The following RABGAP1L variants were observed in gnomAD, a reference collection of about 807,000 sequenced individuals.
The protein encoded by RABGAP1L is rab GTPase-activating protein 1-like.
RABGAP1L carries 63 observed loss-of-function variants against 137.7 expected under a neutral mutation model. The ratio of observed to expected loss-of-function variants is 0.46; its 90% confidence interval spans 0.37 to 0.56. RABGAP1L has a LOEUF of 0.56. Among genes scored for constraint, RABGAP1L ranks in the 20% least tolerant of loss-of-function variants. RABGAP1L has a pLI of 0.00. For missense variants in RABGAP1L, 1,095 were observed against 1,244.0 expected (o/e 0.88, Z 1.80); for synonymous variants, 431 against 433.7 (o/e 0.99, Z 0.08).
intron 15 of RABGAP1L, among the ~76,000 whole-genome samples, chr1:174,696,431 G>A (rs574167479): frequency 2.4e-4 from 36 of 152,230 alleles, no homozygotes; most frequent in African/African-American, 8.2e-4. Context: ...GTGTTTCACT[G>A]GATTGTATGT....
intron 13 of RABGAP1L, among the ~76,000 whole-genome samples, chr1:174,521,868 C>G (rs1474365217): frequency 1.3e-5 from 2 of 152,074 alleles, no homozygotes; most frequent in African/African-American, 4.8e-5. Context: ...ATCAGGAGGT[C>G]AGAAGTTCGA....
chr1:174,180,944 A>C (rs573211461), intron 1 of RABGAP1L, among the ~76,000 whole-genome samples: 25 of 152,288 alleles, frequency 1.6e-4, no homozygotes, highest in African/African-American at 5.3e-4. Flanking sequence ...TATTTCATTT[A>C]AGATCAATAT....
At chr1:174,607,633 A>G (rs544454879) in intron 13 of RABGAP1L, among the ~76,000 whole-genome samples, 1 of 152,294 alleles carries the variant, frequency 6.6e-6, no homozygotes, top group East Asian at 1.9e-4. Flanking sequence ...GGTTTACACT[A>G]TTCCAGTTTT....
chr1:174,276,912 G>A (rs1387668987), intron 9 of RABGAP1L, among the ~76,000 whole-genome samples: 4 of 151,674 alleles, frequency 2.6e-5, no homozygotes, highest in South Asian at 2.1e-4. Context: ...TTTACCTGCC[G>A]AGTTATATGC....
chr1:174,580,446 C>A (rs1336918858), intron 13 of RABGAP1L, among the ~76,000 whole-genome samples: 1 of 152,142 alleles, frequency 6.6e-6, no homozygotes, highest in African/African-American at 2.4e-5. Flanking sequence ...GAATACTATG[C>A]AGCCATAAAA....
intron 18 of RABGAP1L, among the ~76,000 whole-genome samples, chr1:174,771,092 T>G (rs1686077438): frequency 6.6e-6 from 1 of 151,978 alleles, no homozygotes; most frequent in Non-Finnish European, 1.5e-5. Flanking sequence ...AGGGTGAGAG[T>G]GAACAGCATG....
chr1:174,842,632 A>G (rs896699251), intron 19 of RABGAP1L, among the ~76,000 whole-genome samples: 4 of 152,180 alleles, frequency 2.6e-5, no homozygotes, highest in African/African-American at 9.7e-5. Flanking sequence ...AGATCCCACA[A>G]TAGTAATATA....
chr1:174,247,207 AGAGAT>A (rs1467295351), intron 5 of RABGAP1L, among the ~76,000 whole-genome samples: 1 of 152,226 alleles, frequency 6.6e-6, no homozygotes, highest in Non-Finnish European at 1.5e-5. Context: ...GTGAAAAAGA[AGAGAT>A]GAGAAAGGGG....
chr1:174,180,362 GAAT>G (rs1666250811), intron 1 of RABGAP1L, among the ~76,000 whole-genome samples: 3 of 152,290 alleles, frequency 2.0e-5, no homozygotes, highest in African/African-American at 7.2e-5. Context: ...ATTAGTACTA[GAAT>G]AATGATACAA....
intron 13 of RABGAP1L, among the ~76,000 whole-genome samples, chr1:174,425,365 T>G (rs1012423430): frequency 2.6e-5 from 4 of 151,978 alleles, no homozygotes; most frequent in African/African-American, 9.7e-5. Flanking sequence ...CATGTCACTT[T>G]AAAAAATAAG....
intron 17 of RABGAP1L, among the ~76,000 whole-genome samples, chr1:174,748,023 T>C (rs545922301): frequency 1.6e-4 from 25 of 152,268 alleles, no homozygotes; most frequent in Admixed American, 1.2e-3. Flanking sequence ...TTCAAAATCA[T>C]ATCACCAAAC....
chr1:174,171,931 G>A (rs2148236116), intron 1 of RABGAP1L, among the ~76,000 whole-genome samples: 1 of 152,222 alleles, frequency 6.6e-6, no homozygotes, highest in South Asian at 2.1e-4. Context: ...AACCCGGGAG[G>A]CGGAGGTTGC....
Position 174,231,147 on chromosome 1 carries a change from AT to A in RABGAP1L, c.337del (p.Ser113LeufsTer22). The A allele has an allele frequency of 6.2e-7, 1 of 1,601,300 alleles. No individual in the cohort carries two copies. The highest frequency in any genetic ancestry group is 8.5e-7 in the Non-Finnish European group (1 of 1,172,020). ...TGTTTCTTTTTTTGTTTCTTCAGAA[AT>A]TTCTACACCCAGACCATCTTCTCCA... ...QLILDPSNTEISTPRPSSPGG... is the reference protein window; with the variant it reads ...QLILDPSNTEXSTPRPSSPGG... On this transcript the variant is annotated frameshift_variant, in exon 4 of 26. Coordinates refer to ENST00000681986, the MANE Select transcript of RABGAP1L (RefSeq NM_001366446.1). LOFTEE classifies it high-confidence loss of function.
chr1:174,238,385 C>A (rs1433609141), intron 4 of RABGAP1L, among the ~76,000 whole-genome samples: 4 of 151,922 alleles, frequency 2.6e-5, no homozygotes, highest in Admixed American at 6.6e-5. Flanking sequence ...CTGTTTTTTC[C>A]CCATCTTTGT....
At chr1:174,601,788 G>C (rs371020520) in intron 13 of RABGAP1L, among the ~76,000 whole-genome samples, 184 of 149,330 alleles carry the variant, frequency 1.2e-3, no homozygotes, top group African/African-American at 4.4e-3. Flanking sequence ...TGAATGCTTT[G>C]CTGCTTAGAA....
intron 23 of RABGAP1L, among the ~76,000 whole-genome samples, chr1:174,981,407 C>G (rs1394779528): frequency 1.3e-5 from 2 of 152,144 alleles, no homozygotes; most frequent in Non-Finnish European, 2.9e-5. Flanking sequence ...AAACTAAACT[C>G]AGCAAGCAAG....
chr1:174,315,623 T>TG (rs1491458937), intron 11 of RABGAP1L, among the ~76,000 whole-genome samples: 1 of 60,680 alleles, frequency 1.6e-5, no homozygotes, highest in African/African-American at 1.6e-4. Context: ...ATTTCTTGCC[T>TG]TTTTTTTTTT....
chr1:174,487,225 A>C (rs761138208), intron 13 of RABGAP1L, among the ~76,000 whole-genome samples: 4 of 152,042 alleles, frequency 2.6e-5, no homozygotes, highest in Non-Finnish European at 5.9e-5. Flanking sequence ...GGGGTGTTGA[A>C]GTCTCCAGCT....
In RABGAP1L at chr1:174,408,014, A is replaced by G. The variant is rs555065477; in HGVS notation, c.1710+13869A>G. Among the ~76,000 whole-genome samples the G allele has an allele frequency of 2.2e-4, 34 of 152,336 alleles. No individual in the cohort carries two copies. The South Asian group carries it at 6.8e-3, about 31-fold the overall frequency. On this transcript the variant is annotated intron_variant, in intron 13 of 25. Coordinates refer to ENST00000681986, the MANE Select transcript of RABGAP1L (RefSeq NM_001366446.1). ...ATTTTACAGTTGCATAGTATGTACT[A>G]CATTTAACTTTATATAGTTTTGATG...
Sources: allele counts gnomAD v4.1 joint callset (sites outside exome capture counted in the v4.1 genomes callset), GRCh38; gene constraint gnomAD v4.1.1; transcripts MANE v1.5; gene names NCBI Gene and HGNC (gene_info 2026-07-23, HGNC 2026-07-21).